The following ZNF609 variants were observed in gnomAD, a reference collection of about 807,000 sequenced individuals.
ZNF609 encodes the protein zinc finger protein 609.
In ZNF609, 11 loss-of-function variants were observed where a neutral mutation model predicts 109.5. The observed-to-expected ratio is 0.10, with a 90% confidence interval of 0.06 to 0.17. ZNF609 has a LOEUF of 0.17. Among genes scored for constraint, ZNF609 ranks in the 10% least tolerant of loss-of-function variants. The probability of loss-of-function intolerance (pLI) is 1.00; values close to 1 mark genes in which losing one functional copy is unlikely to be tolerated. For synonymous variants in ZNF609, 646 were observed against 662.0 expected, an observed-to-expected ratio of 0.98 and a Z score of 0.37; for missense variants, 1,559 against 1,772.4, an observed-to-expected ratio of 0.88 and a Z score of 2.16.
intron 2 of ZNF609, among the ~76,000 whole-genome samples, chr15:64,532,861 CA>C (rs1894081128): frequency 6.6e-6 from 1 of 152,280 alleles, no homozygotes; most frequent in African/African-American, 2.4e-5. Flanking sequence ...CTTCAGCCTT[CA>C]GCATTCAGTA....
chr15:64,677,117 G>A (rs746076908), intron 5 of ZNF609, among the ~76,000 whole-genome samples: 82 of 151,724 alleles, frequency 5.4e-4, no homozygotes, highest in Non-Finnish European at 8.8e-4. Context: ...AGGCTGGAAT[G>A]CAATGATGCA....
intron 2 of ZNF609, among the ~76,000 whole-genome samples, chr15:64,584,341 T>A (rs145630626): frequency 0.011 from 1,628 of 152,242 alleles, 26 homozygotes; most frequent in Middle Eastern, 0.031. Context: ...TTATTTATTT[T>A]TTGAGACAGA....
At chr15:64,600,280 C>G (rs549775215) in intron 2 of ZNF609, among the ~76,000 whole-genome samples, 26 of 151,860 alleles carry the variant, frequency 1.7e-4, no homozygotes, top group Non-Finnish European at 3.1e-4. Context: ...GAAACCCTGT[C>G]TCTACTAAAA....
chr15:64,459,874 A>C (rs939503959), upstream of ZNF609, among the ~76,000 whole-genome samples: 1 of 152,192 alleles, frequency 6.6e-6, no homozygotes, highest in African/African-American at 2.4e-5. Context: ...AATAGCAGAT[A>C]AGGAAAAATA....
At chr15:64,578,433 G>A (rs1895038287) in intron 2 of ZNF609, among the ~76,000 whole-genome samples, 1 of 151,974 alleles carries the variant, frequency 6.6e-6, no homozygotes, top group African/African-American at 2.4e-5. Flanking sequence ...AGTTGCTCAC[G>A]ACTGTAATCC....
At chr15:64,618,365 G>A (rs956633176) in intron 2 of ZNF609, among the ~76,000 whole-genome samples, 4 of 152,124 alleles carry the variant, frequency 2.6e-5, no homozygotes, top group Non-Finnish European at 4.4e-5. Flanking sequence ...CTCCAACCCC[G>A]GCAGTGTCTA....
chr15:64,672,282 GA>G (rs1369012350), intron 4 of ZNF609, among the ~76,000 whole-genome samples: 1 of 148,888 alleles, frequency 6.7e-6, no homozygotes, highest in Non-Finnish European at 1.5e-5. Flanking sequence ...AAAGAGCTGG[GA>G]TTACAGGCAT....
At chr15:64,608,475 G>T (rs1210856376) in intron 2 of ZNF609, among the ~76,000 whole-genome samples, 1 of 151,966 alleles carries the variant, frequency 6.6e-6, no homozygotes, top group Non-Finnish European at 1.5e-5. Context: ...TCATTTGTGT[G>T]TTTTTCTGGG....
intron 3 of ZNF609, among the ~76,000 whole-genome samples, chr15:64,665,388 T>C (rs35337754): frequency 0.046 from 7,062 of 152,310 alleles, 236 homozygotes; most frequent in Non-Finnish European, 0.075. Flanking sequence ...ATTTCCTCCT[T>C]TGCAAAGTAG....
intron 3 of ZNF609, among the ~76,000 whole-genome samples, chr15:64,662,152 G>T (rs908167939): frequency 1.3e-5 from 2 of 152,146 alleles, no homozygotes; most frequent in African/African-American, 2.4e-5. Context: ...TGGCCTCGTG[G>T]ACTTCTCCAT....
At chr15:64,578,027 A>G (rs1895031038) in intron 2 of ZNF609, among the ~76,000 whole-genome samples, 1 of 151,744 alleles carries the variant, frequency 6.6e-6, no homozygotes, top group South Asian at 2.1e-4. Context: ...AATATAGATA[A>G]TTATTTTTTA....
chr15:64,665,346 T>G (rs1322718950), intron 3 of ZNF609, among the ~76,000 whole-genome samples: 1 of 152,204 alleles, frequency 6.6e-6, no homozygotes, highest in African/African-American at 2.4e-5. Context: ...TAGTGAACCC[T>G]TGAGTAAATG....
chr15:64,524,363 A>C (rs1893938652), intron 2 of ZNF609, among the ~76,000 whole-genome samples: 1 of 152,228 alleles, frequency 6.6e-6, no homozygotes, highest in Non-Finnish European at 1.5e-5. Context: ...CAGGAGTTCG[A>C]TACCAGCCTG....
intron 2 of ZNF609, among the ~76,000 whole-genome samples, chr15:64,533,294 G>A (rs986704268): frequency 5.3e-5 from 8 of 152,076 alleles, no homozygotes; most frequent in African/African-American, 1.9e-4. Context: ...CAAGCCATCT[G>A]CCCGTCTCAG....
chr15:64,559,144 G>A (rs1014531076), intron 2 of ZNF609, among the ~76,000 whole-genome samples: 3 of 152,194 alleles, frequency 2.0e-5, no homozygotes, highest in Non-Finnish European at 2.9e-5. Flanking sequence ...CTATTTTAAT[G>A]TGTGGCCTCA....
intron 2 of ZNF609, among the ~76,000 whole-genome samples, chr15:64,577,945 AG>A (rs1157565370): frequency 6.6e-6 from 1 of 151,828 alleles, no homozygotes; most frequent in Non-Finnish European, 1.5e-5. Flanking sequence ...GCTTGAGGCC[AG>A]GAGTTCAAGA....
intron 2 of ZNF609, among the ~76,000 whole-genome samples, chr15:64,565,867 G>C (rs2140408761): frequency 6.7e-6 from 1 of 150,358 alleles, no homozygotes; most frequent in Middle Eastern, 3.4e-3. Flanking sequence ...TTTATTTTTT[G>C]AGATAGAGTC....
At chr15:64,541,426 C>CA (rs34461479) in intron 2 of ZNF609, among the ~76,000 whole-genome samples, 1,773 of 66,960 alleles carry the variant, frequency 0.026, 31 homozygotes, top group Middle Eastern at 0.041. Flanking sequence ...GACTCCGTCT[C>CA]AAAAAAAAAA....
chr15:64,609,974 T>C (rs1358003037), intron 2 of ZNF609, among the ~76,000 whole-genome samples: 1 of 151,874 alleles, frequency 6.6e-6, no homozygotes, highest in African/African-American at 2.4e-5. Context: ...ATCAAGCCAC[T>C]GCACTCCAGC....
Sources: allele counts gnomAD v4.1 joint callset (sites outside exome capture counted in the v4.1 genomes callset), GRCh38; gene constraint gnomAD v4.1.1; transcripts MANE v1.5; gene names NCBI Gene and HGNC (gene_info 2026-07-23, HGNC 2026-07-21).